Variants in ARID5B observed in about 807,000 individuals in gnomAD.
ARID5B encodes the protein AT-rich interactive domain-containing protein 5B.
In ARID5B, 13 loss-of-function variants were observed where a neutral mutation model predicts 97.2. That is an observed-to-expected ratio of 0.13 (90% CI 0.09 to 0.21). The LOEUF (loss-of-function observed/expected upper bound fraction) is 0.21. ARID5B is among the 10% of genes least tolerant of loss of function. The pLI, the probability that ARID5B is intolerant of heterozygous loss-of-function variation, is 1.00. For synonymous variants in ARID5B, 556 were observed against 570.3 expected (o/e 0.97, Z 0.36); for missense variants, 1,210 against 1,465.3 (o/e 0.83, Z 2.84).
Position 62,090,823 on chromosome 10 carries a change from T to C in ARID5B, c.1399-39T>C, listed in dbSNP as rs137872866. 2.7e-4 allele frequency: 414 copies of C among 1,524,834 alleles called. 1 individual carries two copies. In the African/African-American group the frequency reaches 5.3e-3, roughly 19 times the overall value. The allele number at this position is 1,524,834 out of a possible 1,614,324, so 94.5% of individuals were successfully genotyped here. A position where few individuals can be genotyped will look rare whatever the true frequency, so the allele number is the denominator to read the frequency against. On this transcript the variant is annotated intron_variant, in intron 9 of 9. Coordinates refer to ENST00000279873, the MANE Select transcript of ARID5B (RefSeq NM_032199.3). The stretch of plus-strand genomic sequence containing the variant: ...TTCATAGCAAAACATGTCTGTGTAT[T>C]TGGTTTTCTTCTGACTGTCTTTTGA...
intron 7 of ARID5B, among the ~76,000 whole-genome samples, chr10:62,062,779 CAAAAAAAAAA>C (rs55969343): frequency 2.3e-5 from 2 of 86,166 alleles, no homozygotes; most frequent in African/African-American, 4.3e-5. Context: ...GGCCTTTGTG[CAAAAAAAAAA>C]AAAAAAAAAA....
Position 62,054,171 on chromosome 10 carries a change from G to A in ARID5B, c.847-2946G>A, listed in dbSNP as rs151071922. ...CAACAGGTGTATGGTGTTCAGGTCA[G>A]GAAAAACAGATCTAGTAATTAACTG... On this transcript the variant is annotated intron_variant, in intron 5 of 9. Coordinates refer to ENST00000279873, the MANE Select transcript of ARID5B (RefSeq NM_032199.3). Among the ~76,000 whole-genome samples, 493 of 152,228 alleles carry A rather than the reference G, an allele frequency of 3.2e-3. 4 individuals are homozygous for A. Among genetic ancestry groups the A allele is most frequent in the African/African-American group, 0.011 (467 of 41,536 alleles).
At chr10:61,929,825 T>C (rs1844172645) in intron 2 of ARID5B, among the ~76,000 whole-genome samples, 1 of 152,232 alleles carries the variant, frequency 6.6e-6, no homozygotes, top group Non-Finnish European at 1.5e-5. Context: ...GCCTTTATTC[T>C]CCACCCAGCA....
intron 3 of ARID5B, among the ~76,000 whole-genome samples, chr10:61,948,903 G>T (rs1047823436): frequency 6.6e-6 from 1 of 152,182 alleles, no homozygotes; most frequent in Non-Finnish European, 1.5e-5. Context: ...AGAGCAAAAA[G>T]GGGGAAAATA....
intron 4 of ARID5B, among the ~76,000 whole-genome samples, chr10:62,007,962 C>T (rs1839166711): frequency 6.6e-6 from 1 of 151,986 alleles, no homozygotes; most frequent in Non-Finnish European, 1.5e-5. Flanking sequence ...GTGTCATTAT[C>T]TTTCTGTAAC....
intron 4 of ARID5B, among the ~76,000 whole-genome samples, chr10:62,009,604 C>T (rs989907736): frequency 1.3e-5 from 2 of 152,150 alleles, no homozygotes; most frequent in African/African-American, 4.8e-5. Context: ...CCACACACCC[C>T]CAGGTCTACT....
chr10:62,076,449 C>T (rs1432661515), intron 8 of ARID5B, among the ~76,000 whole-genome samples: 1 of 150,046 alleles, frequency 6.7e-6, no homozygotes, highest in East Asian at 2.0e-4. Context: ...GTCTGAGGCA[C>T]GAGAATCACG....
At chr10:62,014,824 T>C (rs767463338) in intron 4 of ARID5B, among the ~76,000 whole-genome samples, 38 of 152,198 alleles carry the variant, frequency 2.5e-4, no homozygotes, top group Non-Finnish European at 4.7e-4. Flanking sequence ...ACAATGTCAT[T>C]AGCAAAAATT....
chr10:61,913,071 C>A (rs1416405486), intron 2 of ARID5B, among the ~76,000 whole-genome samples: 2 of 152,282 alleles, frequency 1.3e-5, no homozygotes, highest in African/African-American at 4.8e-5. Context: ...TGTTTTTCTT[C>A]TGTTTTGGCA....
intron 7 of ARID5B, among the ~76,000 whole-genome samples, chr10:62,067,491 T>C (rs563655530): frequency 2.0e-5 from 3 of 152,364 alleles, no homozygotes. Flanking sequence ...ATTGATGCTG[T>C]CCTCTTAGCT....
At chr10:61,999,311 A>T (rs1368347859) in intron 3 of ARID5B, among the ~76,000 whole-genome samples, 1 of 152,242 alleles carries the variant, frequency 6.6e-6, no homozygotes, top group East Asian at 1.9e-4. Context: ...CTATGGGGTT[A>T]CAGCCCAACA....
chr10:62,021,886 A>G (rs1275111497), intron 4 of ARID5B, among the ~76,000 whole-genome samples: 1 of 152,220 alleles, frequency 6.6e-6, no homozygotes, highest in African/African-American at 2.4e-5. Flanking sequence ...CAATCATAGC[A>G]ACTGGGAGAT....
chr10:61,909,284 T>C (rs1843758747), intron 2 of ARID5B, among the ~76,000 whole-genome samples: 1 of 149,508 alleles, frequency 6.7e-6, no homozygotes, highest in South Asian at 2.1e-4. Flanking sequence ...TATTCACCTC[T>C]GGGTCCTCTG....
intron 5 of ARID5B, among the ~76,000 whole-genome samples, chr10:62,055,448 AG>A (rs1839843346): frequency 6.6e-6 from 1 of 152,232 alleles, no homozygotes. Flanking sequence ...CTGGCTGCCC[AG>A]GAAACACTCA....
chr10:61,989,959 G>A (rs1476192302), intron 3 of ARID5B, among the ~76,000 whole-genome samples: 1 of 152,206 alleles, frequency 6.6e-6, no homozygotes, highest in African/African-American at 2.4e-5. Context: ...TGAAGAAGGA[G>A]ATGGGCTGTT....
chr10:61,925,855 A>G (rs2893882), intron 2 of ARID5B, among the ~76,000 whole-genome samples: 115,959 of 152,156 alleles, frequency 0.76, 44,715 homozygotes, highest in Non-Finnish European at 0.83. Context: ...GGCTATAACC[A>G]TGAAGGATGG....
intron 4 of ARID5B, among the ~76,000 whole-genome samples, chr10:62,045,891 T>G (rs957189400): frequency 3.3e-5 from 5 of 152,236 alleles, no homozygotes; most frequent in African/African-American, 1.2e-4. Context: ...GGCTCGTGTT[T>G]AAAAGACACA....
intron 3 of ARID5B, among the ~76,000 whole-genome samples, chr10:61,978,446 T>C (rs1376078173): frequency 6.6e-6 from 1 of 152,234 alleles, no homozygotes; most frequent in African/African-American, 2.4e-5. Flanking sequence ...TAAATTACCT[T>C]GGGCAGTATG....
chr10:62,070,929 T>A (rs1840054824), intron 8 of ARID5B, among the ~76,000 whole-genome samples: 1 of 152,054 alleles, frequency 6.6e-6, no homozygotes, highest in South Asian at 2.1e-4. Context: ...GATGTCCTAG[T>A]ACAAAGTAGC....
Sources: allele counts gnomAD v4.1 joint callset (sites outside exome capture counted in the v4.1 genomes callset), GRCh38; gene constraint gnomAD v4.1.1; transcripts MANE v1.5; gene names NCBI Gene and HGNC (gene_info 2026-07-23, HGNC 2026-07-21).